FAM135B: variants seen among roughly 807,000 people sequenced by gnomAD.
FAM135B encodes the protein protein FAM135B.
In FAM135B, 43 loss-of-function variants were observed where a neutral mutation model predicts 127.7. The observed-to-expected ratio is 0.34, with a 90% CI of 0.26 to 0.43. The LOEUF is 0.43. Ranked by LOEUF, FAM135B falls within the 20% of genes least tolerant of loss-of-function variation. FAM135B has a pLI of 1.00. For synonymous variants in FAM135B, 670 were observed against 665.1 expected, an observed-to-expected ratio of 1.01 and a Z score of -0.11; for missense variants, 1,558 against 1,725.6, an observed-to-expected ratio of 0.90 and a Z score of 1.72.
rs528193705 is a variant in FAM135B, at chr8:138,410,891, T to C, written c.-19-42889A>G. 9.2e-5 allele frequency among the ~76,000 whole-genome samples: 14 copies of C among 152,172 alleles called. No individual in the cohort carries two copies. In the South Asian group the frequency reaches 1.0e-3, roughly 11 times the overall value. On this transcript the variant is annotated intron_variant, in intron 1 of 19. Transcript: ENST00000395297. The stretch of plus-strand genomic sequence containing the variant: ...TCATGAGTGAACTCCCATTCACAAT[T>C]GCTTCAAAGAGAATAAAATACCTAG...
intron 3 of FAM135B, among the ~76,000 whole-genome samples, chr8:138,287,508 T>G (rs1316402136): frequency 6.6e-6 from 1 of 151,594 alleles, no homozygotes; most frequent in African/African-American, 2.4e-5. Flanking sequence ...TGTGGCTGCT[T>G]GGTATCTCCC....
Position 138,336,802 on chromosome 8 carries a change from A to C in FAM135B, c.78-25882T>G, listed in dbSNP as rs74638648. Among the ~76,000 whole-genome samples the C allele has an allele frequency of 9.9e-3, 1,501 of 152,244 alleles. 29 individuals carry two copies. Among genetic ancestry groups the C allele is most frequent in the African/African-American group, 0.035 (1,438 of 41,542 alleles). Reference sequence around the variant, plus strand: ...TACCAAAGCCTGGCAGAGACACAACAAAAAAAGAGAATTTTAGACAAATAT... The same window carrying C: ...TACCAAAGCCTGGCAGAGACACAACCAAAAAAGAGAATTTTAGACAAATAT... On this transcript the variant is annotated intron_variant, in intron 2 of 19. Transcript: ENST00000395297.
At chr8:138,154,854 A>T (rs911502682) in intron 12 of FAM135B, among the ~76,000 whole-genome samples, 2 of 152,230 alleles carry the variant, frequency 1.3e-5, no homozygotes, top group African/African-American at 2.4e-5. Context: ...GAATGGAACC[A>T]AGTTGGAAAA....
chr8:138,225,536 G>GGT (rs140500904), intron 7 of FAM135B, among the ~76,000 whole-genome samples: 26 of 150,490 alleles, frequency 1.7e-4, no homozygotes, highest in South Asian at 4.2e-4. Flanking sequence ...GTGCTGTGTA[G>GGT]GTGTGTGTGT....
chr8:138,386,787 A>G (rs562077826), intron 1 of FAM135B, among the ~76,000 whole-genome samples: 1 of 152,330 alleles, frequency 6.6e-6, no homozygotes, highest in East Asian at 1.9e-4. Context: ...GCTTCATTCA[A>G]TCCGTGAGCA....
chr8:138,441,568 C>T (rs910888750), intron 1 of FAM135B: 29 of 152,198 alleles, frequency 1.9e-4, no homozygotes, highest in African/African-American at 6.5e-4. Context: ...ATTTTTTAAA[C>T]AATGCTTTCT....
chr8:138,164,448 T>C (rs1043908156), intron 12 of FAM135B, among the ~76,000 whole-genome samples: 2 of 152,058 alleles, frequency 1.3e-5, no homozygotes, highest in African/African-American at 2.4e-5. Flanking sequence ...TATGACATTG[T>C]GAAAGGAAAA....
intron 7 of FAM135B, among the ~76,000 whole-genome samples, chr8:138,217,028 A>C (rs1818600304): frequency 6.6e-6 from 1 of 152,150 alleles, no homozygotes; most frequent in African/African-American, 2.4e-5. Context: ...ATAGTATAAT[A>C]ATAGTCACCT....
At position 138,390,576 on chromosome 8, in the gene FAM135B, T is replaced by C. The variant is rs115820422; in HGVS notation, c.-19-22574A>G. 9.3e-4 allele frequency among the ~76,000 whole-genome samples: 142 copies of C among 152,278 alleles called. 2 individuals are homozygous for C. The highest frequency in any genetic ancestry group is 3.3e-3 in the African/African-American group (137 of 41,564). On this transcript the variant is annotated intron_variant, in intron 1 of 19. Transcript: ENST00000395297. ...TCCTATACTTTATCTTGTTGTCCTA[T>C]CACCACTGTATCTCCAGTGCAGAGT... is the stretch of plus-strand genomic sequence containing the variant.
At position 138,152,710 on chromosome 8, in the gene FAM135B, T is replaced by G. The variant is rs187081961; in HGVS notation, c.1765A>C (p.Arg589=). ...RSSRDKYGLD[R]TGLSKVVVGG... ...ACTACCACTTTGCTTAGCCCAGTCC[T>G]GTCTAATCCATACTTATCTCTAGAG... is the stretch of plus-strand genomic sequence containing the variant. The change falls in exon 13 of 20, where the codon AGG becomes CGG. Residue 589 remains arginine, a synonymous_variant. Coordinates refer to ENST00000395297, the MANE Select transcript of FAM135B (RefSeq NM_015912.4). 1.2e-6 allele frequency: 2 copies of G among 1,614,106 alleles called. No individual in the cohort carries two copies. Among genetic ancestry groups the G allele is most frequent in the African/African-American group, 2.7e-5 (2 of 74,932 alleles).
chr8:138,301,787 T>G (rs1045270593), intron 3 of FAM135B, among the ~76,000 whole-genome samples: 1 of 152,210 alleles, frequency 6.6e-6, no homozygotes, highest in African/African-American at 2.4e-5. Flanking sequence ...TGACTCCAAA[T>G]AGATGCACAC....
chr8:138,436,294 A>C (rs573866086), intron 1 of FAM135B, among the ~76,000 whole-genome samples: 175 of 152,218 alleles, frequency 1.1e-3, no homozygotes, highest in Non-Finnish European at 1.8e-3. Flanking sequence ...AAAAAATCAC[A>C]CTTATATGGT....
intron 4 of FAM135B, among the ~76,000 whole-genome samples, chr8:138,261,334 G>A (rs936847572): frequency 1.3e-5 from 2 of 152,124 alleles, no homozygotes; most frequent in Non-Finnish European, 2.9e-5. Flanking sequence ...CTCATAAAAT[G>A]TGTTTCATAT....
At chr8:138,390,899 T>A (rs1225318954) in intron 1 of FAM135B, among the ~76,000 whole-genome samples, 1 of 152,138 alleles carries the variant, frequency 6.6e-6, no homozygotes, top group Non-Finnish European at 1.5e-5. Flanking sequence ...TTCAGAAATG[T>A]ACACTTTGGA....
chr8:138,391,311 CT>C (rs1832559882), intron 1 of FAM135B, among the ~76,000 whole-genome samples: 4 of 152,044 alleles, frequency 2.6e-5, no homozygotes, highest in Admixed American at 6.6e-5. Context: ...GGATCCAGGG[CT>C]ACAGAGCCCC....
intron 2 of FAM135B, among the ~76,000 whole-genome samples, chr8:138,363,250 T>C (rs149902005): frequency 6.6e-6 from 1 of 152,204 alleles, no homozygotes; most frequent in African/African-American, 2.4e-5. Flanking sequence ...GTAGTGAAAA[T>C]TTAGTTGGCA....
intron 1 of FAM135B, among the ~76,000 whole-genome samples, chr8:138,389,850 T>C (rs1832443156): frequency 6.6e-6 from 1 of 152,196 alleles, no homozygotes. Context: ...GGGGACGAAA[T>C]CAAGTCCTTC....
intron 7 of FAM135B, among the ~76,000 whole-genome samples, chr8:138,226,841 C>T (rs368175900): frequency 3.9e-5 from 6 of 152,162 alleles, no homozygotes; most frequent in South Asian, 2.1e-4. Context: ...GGATTAAAGG[C>T]GTGTGCCACC....
intron 3 of FAM135B, among the ~76,000 whole-genome samples, chr8:138,270,989 C>A (rs530279983): frequency 1.3e-5 from 2 of 152,330 alleles, no homozygotes; most frequent in East Asian, 3.9e-4. Flanking sequence ...TCAATAGAGA[C>A]CCTGTGTGCC....
Sources: gnomAD v4.1 joint callset for allele counts (sites outside exome capture counted in the v4.1 genomes callset) on GRCh38, gnomAD v4.1.1 for gene constraint, MANE v1.5 for transcripts, NCBI Gene and HGNC (gene_info 2026-07-23, HGNC 2026-07-21) for gene names.